RBFOX1: variants seen among roughly 807,000 people sequenced by gnomAD.
RBFOX1 encodes RNA binding protein fox-1 homolog 1.
RBFOX1 carries 8 observed loss-of-function variants against 57.7 expected under a neutral mutation model. The observed-to-expected ratio is 0.14, with a 90% CI of 0.08 to 0.25. The LOEUF is 0.25. Among genes scored for constraint, RBFOX1 ranks in the 10% least tolerant of loss-of-function variants. The pLI is 1.00. For synonymous variants in RBFOX1, 326 were observed against 222.4 expected (o/e 1.47, Z -4.15); for missense variants, 611 against 548.5 (o/e 1.11, Z -1.14).
intron 4 of RBFOX1, among the ~76,000 whole-genome samples, chr16:7,231,485 C>T (rs983551061): frequency 1.3e-5 from 2 of 152,208 alleles, no homozygotes; most frequent in South Asian, 2.1e-4. Flanking sequence ...GGCAGTTCCT[C>T]GGGAAGTTAA....
intron 4 of RBFOX1, among the ~76,000 whole-genome samples, chr16:7,250,557 C>A (rs540805469): frequency 6.6e-6 from 1 of 152,198 alleles, no homozygotes. Context: ...AGAAAGTAAA[C>A]TACCTGAAGG....
At chr16:6,130,817 A>C (rs1253102196) in intron 1 of RBFOX1, among the ~76,000 whole-genome samples, 1 of 152,180 alleles carries the variant, frequency 6.6e-6, no homozygotes, top group Admixed American at 6.5e-5. Context: ...TTCATGAGGA[A>C]GATATAACAG....
chr16:5,648,249 G>A (rs1290474008), intron 3 of RBFOX1, among the ~76,000 whole-genome samples: 1 of 152,186 alleles, frequency 6.6e-6, no homozygotes, highest in Non-Finnish European at 1.5e-5. Flanking sequence ...TGTGTCAGAG[G>A]TTCTCAAGTT....
At chr16:6,493,744 C>T (rs896683730) in intron 2 of RBFOX1, among the ~76,000 whole-genome samples, 12 of 152,188 alleles carry the variant, frequency 7.9e-5, no homozygotes, top group African/African-American at 2.9e-4. Flanking sequence ...TAATAAAACA[C>T]TTCAGAGAAA....
At chr16:7,280,892 G>A (rs1299691963) in intron 4 of RBFOX1, among the ~76,000 whole-genome samples, 1 of 151,786 alleles carries the variant, frequency 6.6e-6, no homozygotes, top group Non-Finnish European at 1.5e-5. Flanking sequence ...ACTCACTAAA[G>A]AAAGGGTACA....
intron 5 of RBFOX1, among the ~76,000 whole-genome samples, chr16:7,525,977 C>G: frequency 6.6e-6 from 1 of 152,170 alleles, no homozygotes; most frequent in Non-Finnish European, 1.5e-5. Context: ...CAGATCAGTA[C>G]TGGTCTGTAG....
chr16:6,525,879 C>G (rs1488059790), intron 2 of RBFOX1, among the ~76,000 whole-genome samples: 4 of 151,880 alleles, frequency 2.6e-5, no homozygotes, highest in South Asian at 2.1e-4. Context: ...GAAGTAGACA[C>G]AAACATTCAG....
At chr16:7,402,864 C>G (rs966551459) in intron 4 of RBFOX1, among the ~76,000 whole-genome samples, 1 of 152,180 alleles carries the variant, frequency 6.6e-6, no homozygotes. Context: ...CATCACCTAA[C>G]TCATTCAGTC....
intron 1 of RBFOX1, among the ~76,000 whole-genome samples, chr16:5,401,571 C>T (rs940493056): frequency 1.3e-5 from 2 of 151,848 alleles, no homozygotes; most frequent in African/African-American, 4.9e-5. Flanking sequence ...AATTTTGACA[C>T]CCTTCCCCTA....
intron 1 of RBFOX1, among the ~76,000 whole-genome samples, chr16:5,315,701 C>T (rs1039134989): frequency 3.3e-5 from 5 of 152,116 alleles, no homozygotes; most frequent in African/African-American, 7.2e-5. Flanking sequence ...GAGTGCTGTG[C>T]GTAAGAGCAC....
At chr16:6,606,470 G>A (rs1164945687) in intron 2 of RBFOX1, among the ~76,000 whole-genome samples, 2 of 152,102 alleles carry the variant, frequency 1.3e-5, no homozygotes, top group African/African-American at 4.8e-5. Context: ...CCATCACCTA[G>A]TTATTAAGCC....
intron 4 of RBFOX1, among the ~76,000 whole-genome samples, chr16:7,388,172 G>T (rs1235459143): frequency 1.3e-5 from 2 of 152,036 alleles, no homozygotes; most frequent in African/African-American, 4.8e-5. Flanking sequence ...CAGATTGCAT[G>T]GAGCTAGAAA....
In RBFOX1 at chr16:6,912,670, C is replaced by T. The variant is rs184393404; in HGVS notation, c.-15-139387C>T. Among the ~76,000 whole-genome samples the T allele has an allele frequency of 3.1e-3, 468 of 151,002 alleles. 1 individual carries two copies. Among genetic ancestry groups the T allele is most frequent in the Non-Finnish European group, 4.8e-3 (327 of 67,892 alleles). ...TCACTGTGTCATCCAGGCTGGAGTACAGTGGCATGATCATAGCTCACTGTA... is the reference window on the plus strand; with the variant it reads ...TCACTGTGTCATCCAGGCTGGAGTATAGTGGCATGATCATAGCTCACTGTA... On this transcript the variant is annotated intron_variant, in intron 3 of 15. Coordinates refer to ENST00000550418, the MANE Select transcript of RBFOX1 (RefSeq NM_018723.4).
intron 3 of RBFOX1, among the ~76,000 whole-genome samples, chr16:6,994,105 A>G (rs2091917524): frequency 6.6e-6 from 1 of 152,108 alleles, no homozygotes; most frequent in African/African-American, 2.4e-5. Flanking sequence ...TGTTGAAATG[A>G]TATCTGCCCG....
Position 6,887,597 on chromosome 16 carries a change from A to G in RBFOX1, c.-15-164460A>G, listed in dbSNP as rs568227068. 2.6e-5 allele frequency among the ~76,000 whole-genome samples: 4 copies of G among 151,912 alleles called. No homozygotes were observed. In the South Asian group the frequency reaches 8.3e-4, roughly 32 times the overall value. On this transcript the variant is annotated intron_variant, in intron 3 of 15. Coordinates refer to ENST00000550418, the MANE Select transcript of RBFOX1 (RefSeq NM_018723.4). Reference sequence around the variant, plus strand: ...CTTTCGAATTCTGCCATATCACCATAGAGGTCTTCAGGAAGTTAGTAACCC... The same window carrying G: ...CTTTCGAATTCTGCCATATCACCATGGAGGTCTTCAGGAAGTTAGTAACCC...
intron 4 of RBFOX1, among the ~76,000 whole-genome samples, chr16:7,494,409 C>T (rs796454591): frequency 5.3e-5 from 8 of 152,246 alleles, no homozygotes; most frequent in African/African-American, 1.9e-4. Flanking sequence ...TGTCACACTC[C>T]TTCTCTGCTC....
chr16:6,466,637 A>T (rs2095056346), intron 2 of RBFOX1, among the ~76,000 whole-genome samples: 1 of 152,164 alleles, frequency 6.6e-6, no homozygotes, highest in African/African-American at 2.4e-5. Flanking sequence ...TGGCAAATAG[A>T]GGGATAAAGA....
At chr16:6,312,948 T>C (rs1264148398) in intron 1 of RBFOX1, among the ~76,000 whole-genome samples, 1 of 152,146 alleles carries the variant, frequency 6.6e-6, no homozygotes, top group East Asian at 1.9e-4. Context: ...TTTCTAATAA[T>C]TTTTAATTGG....
chr16:7,568,041 T>G (rs969485374), intron 5 of RBFOX1, among the ~76,000 whole-genome samples: 1 of 152,036 alleles, frequency 6.6e-6, no homozygotes, highest in African/African-American at 2.4e-5. Context: ...CTCAATAATA[T>G]TCCTCATTTC....
Sources: allele counts gnomAD v4.1 joint callset (sites outside exome capture counted in the v4.1 genomes callset), GRCh38; gene constraint gnomAD v4.1.1; transcripts MANE v1.5; gene names NCBI Gene and HGNC (gene_info 2026-07-23, HGNC 2026-07-21).